CDKL4: variants seen among roughly 807,000 people sequenced by gnomAD.
The protein encoded by CDKL4 is cyclin-dependent kinase-like 4.
A neutral mutation model predicts 42.0 loss-of-function variants in CDKL4; 44 were observed. The observed-to-expected ratio is 1.05, with a 90% CI of 0.82 to 1.35. CDKL4 has a LOEUF of 1.35. Among genes scored for constraint, CDKL4 ranks in the 40% most tolerant of loss-of-function variants. The pLI is 0.00. For synonymous variants in CDKL4, 120 were observed against 121.6 expected (o/e 0.99, Z 0.09); for missense variants, 393 against 369.9 (o/e 1.06, Z -0.51).
At chr2:39,216,261 C>T (rs1041162951) in intron 3 of CDKL4, among the ~76,000 whole-genome samples, 2 of 152,014 alleles carry the variant, frequency 1.3e-5, no homozygotes, top group African/African-American at 4.8e-5. Flanking sequence ...TAAGGCCAGT[C>T]GATGGGATTG....
At chr2:39,233,441 C>T (rs1162625314) in intron 1 of CDKL4, among the ~76,000 whole-genome samples, 2 of 151,972 alleles carry the variant, frequency 1.3e-5, no homozygotes, top group Non-Finnish European at 2.9e-5. Flanking sequence ...GAAAAAGAAG[C>T]GAGAAGGATA....
In CDKL4 at chr2:39,184,971, G is replaced by A. The variant is rs890228167; in HGVS notation, c.736-324C>T. On this transcript the variant is annotated intron_variant, in intron 7 of 9. Transcript: ENST00000451199. ...GCTGGTCTCAAACTTCTGGCCTCAAGTGATTCTTCTGCCTCAGTCTCCCAA... is the reference window on the plus strand; with the variant it reads ...GCTGGTCTCAAACTTCTGGCCTCAAATGATTCTTCTGCCTCAGTCTCCCAA... Among the ~76,000 whole-genome samples the A allele has an allele frequency of 2.6e-5, 4 of 151,516 alleles. No individual in the cohort carries two copies. In the Admixed American group the frequency reaches 2.6e-4, roughly 10 times the overall value.
At chr2:39,230,716 A>C (rs1679045385) in intron 1 of CDKL4, among the ~76,000 whole-genome samples, 1 of 152,236 alleles carries the variant, frequency 6.6e-6, no homozygotes, top group African/African-American at 2.4e-5. Context: ...AATTACAATA[A>C]TAATGGCACT....
At chr2:39,193,959 C>A (rs912004401) in intron 5 of CDKL4, among the ~76,000 whole-genome samples, 2 of 152,140 alleles carry the variant, frequency 1.3e-5, no homozygotes, top group Non-Finnish European at 2.9e-5. Context: ...TTCTGAATGA[C>A]TGGGTTCCTC....
intron 1 of CDKL4, among the ~76,000 whole-genome samples, chr2:39,238,070 G>C (rs553502948): frequency 1.3e-5 from 2 of 152,234 alleles, no homozygotes; most frequent in South Asian, 2.1e-4. Flanking sequence ...TAAATAAAAG[G>C]AGAAAAATGC....
chr2:39,246,868 C>G (rs938819769), upstream of CDKL4, among the ~76,000 whole-genome samples: 1 of 152,186 alleles, frequency 6.6e-6, no homozygotes, highest in Non-Finnish European at 1.5e-5. Context: ...CTCAGCCTCC[C>G]TCCCCAGTAG....
At chr2:39,205,953 A>C (rs1677155725) in intron 4 of CDKL4, among the ~76,000 whole-genome samples, 2 of 152,090 alleles carry the variant, frequency 1.3e-5, no homozygotes, top group South Asian at 4.1e-4. Flanking sequence ...CTAACCTGGA[A>C]CGATCAGCAA....
Position 39,198,593 on chromosome 2 carries a change from C to G in CDKL4, c.454+5934G>C, listed in dbSNP as rs548766274. 4.6e-5 allele frequency among the ~76,000 whole-genome samples: 7 copies of G among 151,728 alleles called. No individual in the cohort carries two copies. The East Asian group carries it at 7.7e-4, about 17-fold the overall frequency. On this transcript the variant is annotated intron_variant, in intron 5 of 9. Coordinates refer to ENST00000451199, the Ensembl canonical transcript of CDKL4. ...CCAAGATAGACCATATAATAGGCCA[C>G]AAAATAAAAAAATTTAAGAAAATTG... is the stretch of plus-strand genomic sequence containing the variant.
intron 3 of CDKL4, 74 bp from the exon 4 acceptor site, chr2:39,213,546 TG>T: frequency 1.0e-6 from 1 of 984,396 alleles, no homozygotes. Context: ...GGAATAGAAG[TG>T]GAGTGGTGAG....
At chr2:39,204,352 G>A (rs549750495) in intron 5 of CDKL4, among the ~76,000 whole-genome samples, 175 bp downstream of exon 5, 1 of 152,350 alleles carries the variant, frequency 6.6e-6, no homozygotes, top group Non-Finnish European at 1.5e-5. Flanking sequence ...CTAGCTGAAT[G>A]GAGCAGAGTT....
rs150091457 is a variant in CDKL4 at position 39,185,181 on chromosome 2, T to C, written c.736-534A>G. ...ATACACATATGTATATATATACATATGTGTATATACATATATATACACATA... is the reference window on the plus strand; with the variant it reads ...ATACACATATGTATATATATACATACGTGTATATACATATATATACACATA... On this transcript the variant is annotated intron_variant, in intron 7 of 9. Coordinates refer to ENST00000451199, the Ensembl canonical transcript of CDKL4. Among the ~76,000 whole-genome samples the C allele has an allele frequency of 3.8e-3, 463 of 123,004 alleles. 37 individuals carry two copies. The highest frequency in any genetic ancestry group is 0.015 in the Admixed American group (180 of 12,020). 80.7% of individuals were successfully genotyped at this position (123,004 alleles called of 152,430 possible).
intron 5 of CDKL4, among the ~76,000 whole-genome samples, chr2:39,201,013 C>A (rs914977985): frequency 2.0e-5 from 3 of 152,146 alleles, no homozygotes; most frequent in African/African-American, 7.2e-5. Context: ...AAGAAATAAT[C>A]AGCAGAGTAA....
downstream of CDKL4, among the ~76,000 whole-genome samples, chr2:39,171,132 G>A (rs1033334787): frequency 9.2e-5 from 14 of 152,072 alleles, no homozygotes; most frequent in South Asian, 8.3e-4. Context: ...CCAGCTATTC[G>A]GGAGGCTGAG....
At chr2:39,223,321 G>A (rs894070631) in intron 3 of CDKL4, among the ~76,000 whole-genome samples, 15 of 151,928 alleles carry the variant, frequency 9.9e-5, no homozygotes, top group African/African-American at 3.6e-4. Context: ...TCTCTAAATG[G>A]AATCTCTTGA....
At chr2:39,178,571 T>A in intron 9 of CDKL4, 2 of 1,551,550 alleles carry the variant, frequency 1.3e-6, no homozygotes, top group Non-Finnish European at 1.7e-6. Flanking sequence ...CAAAGTTTTC[T>A]GAAAGCAAGT....
chr2:39,188,299 A>G (rs995286668), intron 6 of CDKL4, among the ~76,000 whole-genome samples: 1 of 152,042 alleles, frequency 6.6e-6, no homozygotes. Flanking sequence ...GCGGTGGCTC[A>G]CGCCTGTAAT....
At chr2:39,179,469 G>A in intron 8 of CDKL4, 148 bp from the exon 9 acceptor site, 1 of 584,458 alleles carries the variant, frequency 1.7e-6, no homozygotes, top group Non-Finnish European at 2.8e-6. Flanking sequence ...CTTGCTAATA[G>A]CTAGGATTGC....
intron 3 of CDKL4, among the ~76,000 whole-genome samples, chr2:39,225,483 A>ATTTCAAAT (rs1334393771): frequency 6.6e-6 from 1 of 152,164 alleles, no homozygotes; most frequent in Non-Finnish European, 1.5e-5. Context: ...ATTTATCAAC[A>ATTTCAAAT]TTTCAAATTT....
chr2:39,184,638 CAA>C lies in CDKL4; in HGVS notation c.743_744del (p.Leu248ArgfsTer25). The C allele has an allele frequency of 6.2e-7, 1 of 1,610,620 alleles. No individual in the cohort carries two copies. The highest frequency in any genetic ancestry group is 2.2e-5 in the East Asian group (1 of 44,836). On this transcript the variant is annotated frameshift_variant, in exon 8 of 10. Transcript: ENST00000451199. LOFTEE classifies it high-confidence loss of function. ...GGATGAACATCTGAGAACTTTTCCT[CAA>C]GAGTTTCCTGAAAAACAAGGTTAAA...
Sources: gnomAD v4.1 joint callset for allele counts (sites outside exome capture counted in the v4.1 genomes callset) on GRCh38, gnomAD v4.1.1 for gene constraint, MANE v1.5 for transcripts, NCBI Gene and HGNC (gene_info 2026-07-23, HGNC 2026-07-21) for gene names.